The following PALLD variants were observed in gnomAD, a reference collection of about 807,000 sequenced individuals.
PALLD encodes the protein palladin, cytoskeletal associated protein, also known as palladin.
Under a neutral mutation model 123.5 loss-of-function variants are expected in PALLD, and 61 were observed. The observed-to-expected ratio is 0.49, with a 90% confidence interval of 0.40 to 0.61. PALLD has a LOEUF of 0.61. Among genes scored for constraint, PALLD ranks in the 20% least tolerant of loss-of-function variants. The pLI is 0.00. For synonymous variants in PALLD, 465 were observed against 496.4 expected (o/e 0.94, Z 0.84); for missense variants, 1,273 against 1,377.0 (o/e 0.92, Z 1.20).
At chr4:168,607,220 A>T (rs1422361798) in intron 2 of PALLD, among the ~76,000 whole-genome samples, 2 of 152,174 alleles carry the variant, frequency 1.3e-5, no homozygotes, top group Admixed American at 6.5e-5. Context: ...TATCTGCGGA[A>T]ATAAATTTAG....
intron 2 of PALLD, among the ~76,000 whole-genome samples, chr4:168,564,809 G>A (rs1046060261): frequency 1.3e-5 from 2 of 152,002 alleles, no homozygotes; most frequent in African/African-American, 2.4e-5. Context: ...TAAGTCATAG[G>A]TCTCTACATT....
At chr4:168,599,895 GTA>G (rs1772373045) in intron 2 of PALLD, among the ~76,000 whole-genome samples, 1 of 132,200 alleles carries the variant, frequency 7.6e-6, no homozygotes, top group Non-Finnish European at 1.6e-5. Flanking sequence ...GCATGTGTGT[GTA>G]TATCACACAC....
At chr4:168,579,801 G>A (rs1207086842) in intron 2 of PALLD, among the ~76,000 whole-genome samples, 2 of 151,906 alleles carry the variant, frequency 1.3e-5, no homozygotes, top group African/African-American at 4.8e-5. Flanking sequence ...ACAATGTGAT[G>A]TTTTGATATA....
intron 10 of PALLD, among the ~76,000 whole-genome samples, chr4:168,830,790 GACAGTGAAC>G (rs759758194): frequency 4.6e-5 from 7 of 152,204 alleles, no homozygotes; most frequent in Non-Finnish European, 8.8e-5. Flanking sequence ...CCTGGCTGAA[GACAGTGAAC>G]CTAGCAATGC....
intron 10 of PALLD, among the ~76,000 whole-genome samples, chr4:168,754,671 A>G (rs1216825079): frequency 1.3e-5 from 2 of 152,148 alleles, no homozygotes; most frequent in African/African-American, 4.8e-5. Context: ...ATCTCAAAGT[A>G]AAATGTGCTA....
intron 15 of PALLD, among the ~76,000 whole-genome samples, chr4:168,905,724 G>A (rs1379225419): frequency 1.3e-5 from 2 of 150,408 alleles, no homozygotes; most frequent in Non-Finnish European, 3.0e-5. Context: ...TTAAGAAGTT[G>A]CATTTTAATG....
At chr4:168,583,208 G>A (rs1188654820) in intron 2 of PALLD, among the ~76,000 whole-genome samples, 1 of 152,104 alleles carries the variant, frequency 6.6e-6, no homozygotes, top group African/African-American at 2.4e-5. Flanking sequence ...AAGTTAGGAG[G>A]ATGAGAAACA....
At chr4:168,616,118 G>A (rs1774201799) in intron 2 of PALLD, among the ~76,000 whole-genome samples, 1 of 151,624 alleles carries the variant, frequency 6.6e-6, no homozygotes, top group African/African-American at 2.4e-5. Context: ...CTTTAATTTT[G>A]TGACCAAAAA....
intron 2 of PALLD, among the ~76,000 whole-genome samples, chr4:168,604,923 G>A (rs916185186): frequency 3.9e-5 from 6 of 152,192 alleles, no homozygotes; most frequent in Non-Finnish European, 7.3e-5. Context: ...TATTACATTG[G>A]TCAAAGGATA....
Position 168,927,529 on chromosome 4 carries a change from G to C in PALLD, c.*1349G>C, listed in dbSNP as rs980935983. 2.2e-5 allele frequency: 5 copies of C among 231,352 alleles called. No homozygotes were observed. Among genetic ancestry groups the C allele is most frequent in the African/African-American group, 1.1e-4 (5 of 45,270 alleles). 14.3% of individuals were successfully genotyped at this position (231,352 alleles called of 1,614,324 possible). A position where few individuals can be genotyped will look rare whatever the true frequency, so the allele number is the denominator to read the frequency against. On this transcript the variant is annotated 3_prime_UTR_variant, in exon 22 of 22. Coordinates refer to ENST00000505667, the MANE Select transcript of PALLD (RefSeq NM_001166108.2). ...TGGCATAAATGAGAAATTGCCTGTA[G>C]CATCTAGTCTACTTGAAGGAAGTGG...
intron 10 of PALLD, among the ~76,000 whole-genome samples, chr4:168,874,571 T>G (rs1036054291): frequency 6.6e-6 from 1 of 152,206 alleles, no homozygotes; most frequent in East Asian, 1.9e-4. Flanking sequence ...ATGATTCAGA[T>G]CCTAAAGGCC....
In PALLD at chr4:168,683,103, G is replaced by A. The variant is rs1212692904; in HGVS notation, c.1260G>A (p.Gln420=). The change falls in exon 5 of 22, where the codon CAG becomes CAA. Residue 420 remains glutamine (Q), a splice_region_variant and synonymous_variant. Coordinates refer to ENST00000505667, the MANE Select transcript of PALLD (RefSeq NM_001166108.2). ...AACCACTGTCTGTCCCTGTGCAACA[G>A]GTAAGTATGCTTTGAGCCAGAGCCC... The part of the protein sequence containing the change: ...VIQPLSVPVQ[Q]VHSPTSYLCR... The A allele has an allele frequency of 6.3e-7, 1 of 1,583,788 alleles. No homozygotes were observed. Among genetic ancestry groups the A allele is most frequent in the Non-Finnish European group, 8.7e-7 (1 of 1,152,748 alleles).
At chr4:168,764,477 G>A (rs1733384432) in intron 10 of PALLD, among the ~76,000 whole-genome samples, 1 of 151,990 alleles carries the variant, frequency 6.6e-6, no homozygotes, top group South Asian at 2.1e-4. Context: ...CTATTCACAG[G>A]TGCAGTCATA....
At chr4:168,671,655 G>GTT (rs940735639) in intron 3 of PALLD, among the ~76,000 whole-genome samples, 1 of 152,150 alleles carries the variant, frequency 6.6e-6, no homozygotes, top group African/African-American at 2.4e-5. Flanking sequence ...AGATTTTAGT[G>GTT]TTTTAATCCC....
chr4:168,883,259 T>C (rs529849087), intron 10 of PALLD, among the ~76,000 whole-genome samples: 1 of 152,290 alleles, frequency 6.6e-6, no homozygotes, highest in South Asian at 2.1e-4. Context: ...TACCGTAAAA[T>C]TCAGTAAAAG....
intron 2 of PALLD, among the ~76,000 whole-genome samples, chr4:168,652,882 T>G (rs1778191375): frequency 6.6e-6 from 1 of 152,218 alleles, no homozygotes; most frequent in Non-Finnish European, 1.5e-5. Flanking sequence ...TAAATTAGCC[T>G]AATCTAATAA....
intron 10 of PALLD, among the ~76,000 whole-genome samples, chr4:168,877,110 G>A (rs940428849): frequency 6.6e-6 from 1 of 152,148 alleles, no homozygotes; most frequent in Admixed American, 6.5e-5. Flanking sequence ...TGTGTATTAA[G>A]GTTTGTGTAA....
chr4:168,570,801 T>C (rs1166912707), intron 2 of PALLD, among the ~76,000 whole-genome samples: 2 of 152,170 alleles, frequency 1.3e-5, no homozygotes, highest in African/African-American at 4.8e-5. Context: ...GCTGTTCACA[T>C]TCATTTTTGT....
At chr4:168,802,767 C>T (rs987429535) in intron 10 of PALLD, among the ~76,000 whole-genome samples, 9 of 152,094 alleles carry the variant, frequency 5.9e-5, no homozygotes, top group East Asian at 3.9e-4. Flanking sequence ...GTCGGCTCAC[C>T]GCAATCTCTG....
Sources: allele counts gnomAD v4.1 joint callset (sites outside exome capture counted in the v4.1 genomes callset), GRCh38; gene constraint gnomAD v4.1.1; transcripts MANE v1.5; gene names NCBI Gene and HGNC (gene_info 2026-07-23, HGNC 2026-07-21).